Variants in CACNA2D1 observed in about 807,000 individuals in gnomAD.
CACNA2D1 encodes voltage-dependent calcium channel subunit alpha-2/delta-1.
Under a neutral mutation model 171.5 loss-of-function variants are expected in CACNA2D1, and 53 were observed. That is an observed-to-expected ratio of 0.31 (90% confidence interval 0.25 to 0.39). The LOEUF is 0.39. CACNA2D1 is among the 10% of genes least tolerant of loss of function. The pLI is 1.00. For missense variants in CACNA2D1, 903 were observed against 1,299.8 expected (o/e 0.69, Z 4.69); for synonymous variants, 442 against 443.1 (o/e 1.00, Z 0.03).
At chr7:81,967,772 GT>G in intron 29 of CACNA2D1, 109 bp from the exon 30 acceptor site, 1 of 617,234 alleles carries the variant, frequency 1.6e-6, no homozygotes, top group Non-Finnish European at 3.0e-6. Context: ...TATTACAGAA[GT>G]TTTAGTTTTG....
In CACNA2D1 at chr7:81,982,625, A is replaced by G. The variant is rs756810014; in HGVS notation, c.1897T>C (p.Ser633Pro). 10 of 1,585,606 alleles carry G rather than the reference A, an allele frequency of 6.3e-6. No individual in the cohort carries two copies. Among genetic ancestry groups the G allele is most frequent in the Non-Finnish European group, 8.7e-6 (10 of 1,154,544 alleles). Reference protein sequence around the residue: ...ARSKKGKMKDSETLKPDNFEE... With the variant: ...ARSKKGKMKDPETLKPDNFEE... The stretch of plus-strand genomic sequence containing the variant: ...AAATTATCTGGCTTCAGGGTTTCCG[A>G]ATCTGCAAAGATAATGTTACAGGAT... The change falls in exon 24 of 39, where the codon TCG (serine) becomes CCG (proline). Residue 633 changes from serine (S) to proline (P), a missense_variant and splice_region_variant. This residue lies in a region of CACNA2D1 where 623 missense variants were observed against 925.5 expected (regional missense o/e 0.67). Coordinates refer to ENST00000356860, the MANE Select transcript of CACNA2D1 (RefSeq NM_000722.4).
intron 10 of CACNA2D1, among the ~76,000 whole-genome samples, chr7:82,056,568 T>A (rs1805933162): frequency 6.6e-6 from 1 of 152,072 alleles, no homozygotes; most frequent in Admixed American, 6.5e-5. Flanking sequence ...AGGATACACA[T>A]GGGCCTAAAA....
intron 3 of CACNA2D1, among the ~76,000 whole-genome samples, chr7:82,293,084 G>A (rs1057414697): frequency 1.3e-5 from 2 of 151,686 alleles, no homozygotes; most frequent in Admixed American, 1.3e-4. Context: ...TTTTCTAGGA[G>A]AGTCTCCTTA....
At chr7:82,095,732 T>C (rs1004140368) in intron 6 of CACNA2D1, among the ~76,000 whole-genome samples, 1 of 152,088 alleles carries the variant, frequency 6.6e-6, no homozygotes, top group African/African-American at 2.4e-5. Flanking sequence ...ATTTTTAAGT[T>C]GGAAATAATT....
intron 7 of CACNA2D1, among the ~76,000 whole-genome samples, chr7:82,067,078 C>A (rs571004109): frequency 6.6e-6 from 1 of 151,982 alleles, no homozygotes; most frequent in Non-Finnish European, 1.5e-5. Flanking sequence ...GTAATTCAAG[C>A]GCAGATTCAA....
chr7:82,142,958 T>C (rs1792569877), intron 4 of CACNA2D1, among the ~76,000 whole-genome samples: 1 of 152,134 alleles, frequency 6.6e-6, no homozygotes, highest in Admixed American at 6.5e-5. Flanking sequence ...TCAACTGTTG[T>C]ACCTGGGATG....
chr7:82,330,915 T>C (rs42236), intron 3 of CACNA2D1, among the ~76,000 whole-genome samples: 1 of 151,890 alleles, frequency 6.6e-6, no homozygotes. Flanking sequence ...TTTCACATTC[T>C]TGCTGCTCAA....
chr7:81,959,399 A>AT (rs1246876919), intron 37 of CACNA2D1, 42 bp from the exon 38 acceptor site: 2 of 1,330,626 alleles, frequency 1.5e-6, no homozygotes, highest in Non-Finnish European at 2.2e-6. Context: ...AGTTTTTTTC[A>AT]CATGATTAAA....
intron 1 of CACNA2D1, among the ~76,000 whole-genome samples, chr7:82,396,958 C>A (rs1825811012): frequency 6.6e-6 from 1 of 152,168 alleles, no homozygotes; most frequent in Non-Finnish European, 1.5e-5. Context: ...ATCTTTCCAA[C>A]CAATTTCTGA....
intron 10 of CACNA2D1, among the ~76,000 whole-genome samples, chr7:82,047,954 T>C (rs1804744088): frequency 6.6e-6 from 1 of 152,126 alleles, no homozygotes; most frequent in Admixed American, 6.6e-5. Context: ...GGGGAAGATC[T>C]GGGGGATGAT....
intron 2 of CACNA2D1, chr7:82,343,239 A>T (rs976449504): frequency 6.6e-6 from 1 of 152,216 alleles, no homozygotes; most frequent in Non-Finnish European, 1.5e-5. Context: ...TTTCAAATGG[A>T]GCATCGTCTT....
intron 3 of CACNA2D1, among the ~76,000 whole-genome samples, chr7:82,280,000 T>A (rs1809872260): frequency 6.6e-6 from 1 of 152,188 alleles, no homozygotes; most frequent in East Asian, 1.9e-4. Flanking sequence ...ATTTTCTATG[T>A]CTTCTCTTTT....
chr7:82,419,796 G>C lies in CACNA2D1; in HGVS notation c.95+23569C>G, dbSNP rs918956018. On this transcript the variant is annotated intron_variant, in intron 1 of 38. Transcript: ENST00000356860. ...ACTGGCCACGGAAACATGTATCATG[G>C]GTCAATTTACTATGCAGATTCAACT... Among the ~76,000 whole-genome samples, 17 of 152,182 alleles carry C rather than the reference G, an allele frequency of 1.1e-4. No homozygotes were observed. In the East Asian group the frequency reaches 1.3e-3, roughly 12 times the overall value.
At chr7:82,386,035 A>G (rs1563470169) in intron 1 of CACNA2D1, among the ~76,000 whole-genome samples, 1 of 152,158 alleles carries the variant, frequency 6.6e-6, no homozygotes. Context: ...ACGCATTAGA[A>G]ATGACTGAAC....
intron 1 of CACNA2D1, among the ~76,000 whole-genome samples, chr7:82,411,895 T>TCACACACA (rs5885295): frequency 0.014 from 2,074 of 144,868 alleles, 44 homozygotes; most frequent in African/African-American, 0.049. Flanking sequence ...AAACTAAATC[T>TCACACACA]CACACACACA....
At chr7:82,349,445 A>G (rs1819600985) in intron 2 of CACNA2D1, 123 bp downstream of exon 2, 3 of 840,834 alleles carry the variant, frequency 3.6e-6, no homozygotes, top group Non-Finnish European at 6.2e-6. Context: ...TCAGAATTTC[A>G]CCACCAGATC....
At chr7:82,048,855 T>A (rs1031840065) in intron 10 of CACNA2D1, among the ~76,000 whole-genome samples, 3 of 152,068 alleles carry the variant, frequency 2.0e-5, no homozygotes, top group African/African-American at 7.2e-5. Flanking sequence ...ATACATGACA[T>A]CTTTTCCTAG....
At chr7:82,259,656 G>C (rs1448230723) in intron 3 of CACNA2D1, among the ~76,000 whole-genome samples, 1 of 152,190 alleles carries the variant, frequency 6.6e-6, no homozygotes, top group African/African-American at 2.4e-5. Flanking sequence ...ATAAAGCTCT[G>C]CAAAATTAGG....
intron 10 of CACNA2D1, among the ~76,000 whole-genome samples, chr7:82,044,508 T>A (rs1328311421): frequency 6.6e-6 from 1 of 152,188 alleles, no homozygotes; most frequent in Admixed American, 6.5e-5. Flanking sequence ...GGAAAAGGAT[T>A]TTTTAAATTA....
Sources: allele counts gnomAD v4.1 joint callset (sites outside exome capture counted in the v4.1 genomes callset), GRCh38; gene constraint gnomAD v4.1.1; regional missense constraint gnomAD v4.1.1; transcripts MANE v1.5; gene names NCBI Gene and HGNC (gene_info 2026-07-23, HGNC 2026-07-21).